The following GPAM variants were observed in gnomAD, a reference collection of about 807,000 sequenced individuals.
The protein encoded by GPAM is glycerol-3-phosphate acyltransferase, mitochondrial.
GPAM carries 56 observed loss-of-function variants against 105.0 expected under a neutral mutation model. That is an observed-to-expected ratio of 0.53 (90% CI 0.43 to 0.67). The LOEUF (loss-of-function observed/expected upper bound fraction) is 0.67, where lower values mean the gene tolerates loss of function less well. Among genes scored for constraint, GPAM ranks in the 30% least tolerant of loss-of-function variants. The probability of loss-of-function intolerance (pLI) is 0.00; values close to 1 mark genes in which losing one functional copy is unlikely to be tolerated. For missense variants in GPAM, 855 were observed against 989.8 expected, an observed-to-expected ratio of 0.86 and a Z score of 1.83; for synonymous variants, 368 against 354.4, an observed-to-expected ratio of 1.04 and a Z score of -0.43.
At position 112,164,593 on chromosome 10, in the gene GPAM, T is replaced by G. The variant is rs758383813; in HGVS notation, c.1239A>C (p.Gln413His). Reference sequence around the variant, plus strand: ...GTAGAGCAGACACCGGTTTCTGACTTTGGCTTTCTAAATATTCCTGGAGAA... The same window carrying G: ...GTAGAGCAGACACCGGTTTCTGACTGTGGCTTTCTAAATATTCCTGGAGAA... Reference protein sequence around the residue: ...PFSLKEYLESQSQKPVSALLS... With the variant: ...PFSLKEYLESHSQKPVSALLS... The change falls in exon 13 of 22, where the codon CAA becomes CAC. Residue 413 changes from glutamine to histidine, a missense_variant. Coordinates refer to ENST00000348367, the MANE Select transcript of GPAM (RefSeq NM_001244949.2). The G allele has an allele frequency of 6.3e-7, 1 of 1,599,468 alleles. No individual in the cohort carries two copies. The highest frequency in any genetic ancestry group is 1.7e-5 in the Admixed American group (1 of 60,002).
At chr10:112,188,538 C>T (rs1847620955), upstream of GPAM, among the ~76,000 whole-genome samples, 1 of 152,138 alleles carries the variant, frequency 6.6e-6, no homozygotes, top group African/African-American at 2.4e-5. Context: ...GTTTCCCTCT[C>T]TATGATTTTG....
At chr10:112,204,500 GT>G (rs1485450912) in intron 1 of GPAM, among the ~76,000 whole-genome samples, 1 of 151,878 alleles carries the variant, frequency 6.6e-6, no homozygotes, top group Non-Finnish European at 1.5e-5. Context: ...TCCCTCGGTG[GT>G]TGGGGAGAGA....
chr10:112,160,783 C>T lies in GPAM; in HGVS notation c.1580G>A (p.Gly527Glu). Residue 527 changes from glycine to glutamate, a missense_variant, in exon 16 of 22, where the codon GGA (glycine) becomes GAA (glutamate). By Grantham distance (98) the Gly-to-Glu change is moderately conservative (BLOSUM62 -2). Coordinates refer to ENST00000348367, the MANE Select transcript of GPAM (RefSeq NM_001244949.2). Reference sequence around the variant, plus strand: ...ATGCATTACTACATCTTCTGAATTTCCTGAGAACCCCAGGTCAAAATCACG... The same window carrying T: ...ATGCATTACTACATCTTCTGAATTTTCTGAGAACCCCAGGTCAAAATCACG... ...LARDFDLGFS[G>E]NSEDVVMHAI... 1.9e-6 allele frequency: 3 copies of T among 1,614,054 alleles called. No individual in the cohort carries two copies. Among genetic ancestry groups the T allele is most frequent in the African/African-American group, 2.7e-5 (2 of 75,042 alleles).
chr10:112,192,514 G>GT (rs1847672681), intron 1 of GPAM, among the ~76,000 whole-genome samples: 1 of 152,192 alleles, frequency 6.6e-6, no homozygotes. Context: ...TGAGGCCAGG[G>GT]TGTGAGCAGG....
intron 18 of GPAM, among the ~76,000 whole-genome samples, chr10:112,157,922 T>C (rs1460627053): frequency 1.3e-5 from 2 of 152,216 alleles, no homozygotes; most frequent in African/African-American, 4.8e-5. Context: ...CATGACTATA[T>C]ACCAAATGTA....
chr10:112,224,285 T>C, the GPAM span, among the ~76,000 whole-genome samples: 5 of 152,246 alleles, frequency 3.3e-5, no homozygotes, highest in East Asian at 7.7e-4. Context: ...AATTATTTCA[T>C]ACACAATGAT....
chr10:112,172,362 T>C (rs1179121668), intron 8 of GPAM, 44 bp from the exon 9 acceptor site: 11 of 1,559,976 alleles, frequency 7.1e-6, no homozygotes, highest in Non-Finnish European at 9.7e-6. Context: ...AAATGTAAAA[T>C]TCAATCACAC....
chr10:112,163,728 C>A lies in GPAM; in HGVS notation c.1396G>T (p.Ala466Ser). 2 of 1,572,066 alleles carry A rather than the reference C, an allele frequency of 1.3e-6. No individual in the cohort carries two copies. The highest frequency in any genetic ancestry group is 1.8e-6 in the Non-Finnish European group (2 of 1,141,670). The change falls in exon 14 of 22, where the codon GCA (alanine) becomes TCA (serine). Residue 466 changes from alanine (A) to serine (S), a missense_variant. Ala to Ser is a moderately conservative substitution (Grantham distance 99). Transcript: ENST00000348367. ...TDESLRRRLI[A>S]NLAEHILFTA... ...AATAGAATATGCTCAGCCAGATTTG[C>A]AATCAACCTCCTTCGTAGGGATTCA... is the stretch of plus-strand genomic sequence containing the variant.
intron 2 of GPAM, among the ~76,000 whole-genome samples, chr10:112,182,283 G>A (rs1003915292): frequency 6.6e-6 from 1 of 152,062 alleles, no homozygotes; most frequent in Non-Finnish European, 1.5e-5. Context: ...TTTAATTAAG[G>A]CAATTAGGGC....
chr10:112,160,518 C>A (rs1847102926), intron 16 of GPAM, 86 bp downstream of exon 16: 1 of 1,374,812 alleles, frequency 7.3e-7, no homozygotes, highest in South Asian at 1.2e-5. Context: ...GGGGCTATCA[C>A]CCAAATTAAA....
Position 112,149,894 on chromosome 10 carries a change from A to C in GPAM, c.*3656T>G. 2.0e-6 allele frequency: 2 copies of C among 983,612 alleles called. No individual in the cohort carries two copies. The highest frequency in any genetic ancestry group is 2.4e-6 in the Non-Finnish European group (2 of 827,880). The allele number at this position is 983,612 out of a possible 1,614,324, so 60.9% of individuals were successfully genotyped here. A position where few individuals can be genotyped will look rare whatever the true frequency, so the allele number is the denominator to read the frequency against. ...TTCAATTTTTGGTTTATTAAAACAAAACTACATTTTCTGTGTTTCTTGCAA... is the reference window on the plus strand; with the variant it reads ...TTCAATTTTTGGTTTATTAAAACAACACTACATTTTCTGTGTTTCTTGCAA... On this transcript the variant is annotated 3_prime_UTR_variant, in exon 22 of 22. Coordinates refer to ENST00000348367, the MANE Select transcript of GPAM (RefSeq NM_001244949.2).
At chr10:112,224,364 G>A in the GPAM span, among the ~76,000 whole-genome samples, 1 of 152,098 alleles carries the variant, frequency 6.6e-6, no homozygotes. Flanking sequence ...TGGAAAGTAG[G>A]GATGCATTCT....
At chr10:112,159,041 T>C (rs888264843) in intron 17 of GPAM, among the ~76,000 whole-genome samples, 1 of 152,044 alleles carries the variant, frequency 6.6e-6, no homozygotes, top group Non-Finnish European at 1.5e-5. Flanking sequence ...GGAATTCAAA[T>C]AAAATATGAA....
At chr10:112,153,819 G>A (rs1246402478) in intron 21 of GPAM, 153 bp from the exon 22 acceptor site, 10 of 742,472 alleles carry the variant, frequency 1.3e-5, no homozygotes, top group African/African-American at 1.8e-5. Context: ...GCCTGGGTGT[G>A]TGTGAGCATG....
upstream of GPAM, among the ~76,000 whole-genome samples, chr10:112,184,375 A>C (rs1847565566): frequency 6.6e-6 from 1 of 152,212 alleles, no homozygotes; most frequent in South Asian, 2.1e-4. Context: ...TACATTTCAA[A>C]AGTTCTCACC....
Position 112,152,863 on chromosome 10 carries a change from C to T in GPAM, c.*687G>A, listed in dbSNP as rs187962211. The T allele has an allele frequency of 2.2e-4, 47 of 211,550 alleles. 1 individual carries two copies. In the East Asian group the frequency reaches 6.8e-3, roughly 31 times the overall value. The allele number at this position is 211,550 out of a possible 1,614,324, so 13.1% of individuals were successfully genotyped here. A position where few individuals can be genotyped will look rare whatever the true frequency, so the allele number is the denominator to read the frequency against. ...GAATTTTGCCAGCCAAATTAACTTCCTGATGTTAACTATTTGATTACAATA... is the reference window on the plus strand; with the variant it reads ...GAATTTTGCCAGCCAAATTAACTTCTTGATGTTAACTATTTGATTACAATA... On this transcript the variant is annotated 3_prime_UTR_variant, in exon 22 of 22. Transcript: ENST00000348367.
At chr10:112,194,636 C>T (rs1215786743) in intron 1 of GPAM, among the ~76,000 whole-genome samples, 1 of 152,162 alleles carries the variant, frequency 6.6e-6, no homozygotes, top group Non-Finnish European at 1.5e-5. Context: ...CATGGACAAA[C>T]CCAGACTCAT....
chr10:112,158,708 C>T (rs1223801681), intron 17 of GPAM, among the ~76,000 whole-genome samples: 1 of 152,174 alleles, frequency 6.6e-6, no homozygotes, highest in East Asian at 1.9e-4. Flanking sequence ...CTTATCAGCC[C>T]CCCACCATCT....
intron 5 of GPAM, 76 bp from the exon 6 acceptor site, chr10:112,175,789 GC>G: frequency 2.2e-6 from 2 of 914,924 alleles, no homozygotes; most frequent in Non-Finnish European, 3.6e-6. Context: ...CTAATTTTCC[GC>G]CCATAAAAAC....
Sources: allele counts gnomAD v4.1 joint callset (sites outside exome capture counted in the v4.1 genomes callset), GRCh38; gene constraint gnomAD v4.1.1; transcripts MANE v1.5; gene names NCBI Gene and HGNC (gene_info 2026-07-23, HGNC 2026-07-21).